CFAP46: variants seen among roughly 807,000 people sequenced by gnomAD.
CFAP46 encodes the protein cilia and flagella associated protein 46.
CFAP46 carries 245 observed loss-of-function variants against 325.7 expected under a neutral mutation model. The observed-to-expected ratio is 0.75, with a 90% confidence interval of 0.68 to 0.84. CFAP46 has a LOEUF of 0.84. Ranked by LOEUF, CFAP46 falls within the 40% of genes least tolerant of loss-of-function variation. The pLI, the probability that CFAP46 is intolerant of heterozygous loss-of-function variation, is 0.00. For missense variants in CFAP46, 3,346 were observed against 3,543.0 expected, an observed-to-expected ratio of 0.94 and a Z score of 1.41; for synonymous variants, 1,523 against 1,495.9, an observed-to-expected ratio of 1.02 and a Z score of -0.42.
intron 22 of CFAP46, among the ~76,000 whole-genome samples, chr10:132,903,095 G>A (rs987450582): frequency 1.4e-5 from 2 of 147,482 alleles, no homozygotes; most frequent in East Asian, 2.0e-4. Flanking sequence ...AGTGAGTTAC[G>A]CCCCAATGTG....
intron 13 of CFAP46, 61 bp from the exon 14 acceptor site, chr10:132,920,243 C>T (rs1849702745): frequency 6.8e-7 from 1 of 1,460,758 alleles, no homozygotes; most frequent in Admixed American, 2.7e-5. Context: ...GGGACGTGCC[C>T]ATCAGTAACC....
At chr10:132,858,027 CA>C (rs1848668354) in intron 38 of CFAP46, among the ~76,000 whole-genome samples, 1 of 152,240 alleles carries the variant, frequency 6.6e-6, no homozygotes, top group Non-Finnish European at 1.5e-5. Context: ...TTTGCTGAAG[CA>C]ATTCCACAGC....
chr10:132,901,605 A>G (rs1481529775), intron 22 of CFAP46, among the ~76,000 whole-genome samples: 2 of 152,166 alleles, frequency 1.3e-5, no homozygotes, highest in East Asian at 1.9e-4. Context: ...TCTTGCCTCT[A>G]TATTTATGAA....
chr10:132,940,638 C>T (rs1434193404), intron 4 of CFAP46, among the ~76,000 whole-genome samples: 1 of 151,796 alleles, frequency 6.6e-6, no homozygotes, highest in African/African-American at 2.4e-5. Context: ...AGTGCAGTGG[C>T]GTGATCTGGG....
intron 19 of CFAP46, among the ~76,000 whole-genome samples, chr10:132,912,137 C>G (rs1849549488): frequency 7.4e-6 from 1 of 135,274 alleles, no homozygotes; most frequent in South Asian, 2.8e-4. Context: ...CCCCCACCCC[C>G]ACATCTCTCT....
chr10:132,910,229 C>G, intron 19 of CFAP46, 161 bp from the exon 20 acceptor site: 1 of 604,954 alleles, frequency 1.7e-6, no homozygotes, highest in Non-Finnish European at 2.5e-6. Context: ...CACCACAAAC[C>G]CAGCAGATGA....
chr10:132,814,303 G>T, intron 53 of CFAP46, 49 bp from the exon 54 acceptor site: 1 of 1,470,332 alleles, frequency 6.8e-7, no homozygotes, highest in Non-Finnish European at 9.5e-7. Context: ...CATCAGACAC[G>T]GGTGTGCAGG....
intron 50 of CFAP46, among the ~76,000 whole-genome samples, chr10:132,816,265 C>T (rs1281931081): frequency 6.0e-5 from 9 of 150,666 alleles, no homozygotes; most frequent in Admixed American, 2.0e-4. Context: ...GTTTCCCTGG[C>T]GTCTTCTGCA....
chr10:132,898,749 G>A, intron 24 of CFAP46: 1 of 687,510 alleles, frequency 1.5e-6, no homozygotes, highest in Non-Finnish European at 2.6e-6. Context: ...TGCTGGGAGA[G>A]GTCAGGTCTG....
rs368968406 is a variant in CFAP46 at position 132,941,077 on chromosome 10, A to C, written c.307-17T>G. The C allele has an allele frequency of 7.8e-4, 1,265 of 1,613,878 alleles. 3 individuals are homozygous for C. Among genetic ancestry groups the C allele is most frequent in the Non-Finnish European group, 9.9e-4 (1,168 of 1,179,830 alleles). ...AAATTCCTCCTAAGGCAACATAAAGAAGCACAATTAGACCGAAATACTGAC... is the reference window on the plus strand; with the variant it reads ...AAATTCCTCCTAAGGCAACATAAAGCAGCACAATTAGACCGAAATACTGAC... On this transcript the variant is annotated splice_polypyrimidine_tract_variant and intron_variant, in intron 3 of 57. Transcript: ENST00000368586.
intron 44 of CFAP46, 150 bp from the exon 45 acceptor site, chr10:132,837,064 G>T (rs951980498): frequency 4.9e-6 from 3 of 617,050 alleles, no homozygotes; most frequent in Middle Eastern, 4.2e-4. Flanking sequence ...GGGGTGGGGG[G>T]CCCTGCTGGA....
In CFAP46 at chr10:132,827,723, A is replaced by G. The variant is rs1053066555; in HGVS notation, c.7117+5635T>C. ...ACACCCAGCCCCAGGAGCTTCCCCA[A>G]AATGCCTGCAACCCTCCCTCCTGCA... On this transcript the variant is annotated intron_variant, in intron 50 of 57. Transcript: ENST00000368586. This position sits in a 1 kb window ranked among gnomAD's most constrained non-coding sequence, Gnocchi z 5.7. Among the ~76,000 whole-genome samples the G allele has an allele frequency of 6.6e-6, 1 of 151,886 alleles. No individual in the cohort carries two copies. The highest frequency in any genetic ancestry group is 1.5e-5 in the Non-Finnish European group (1 of 67,954).
chr10:132,916,537 G>T lies in CFAP46; in HGVS notation c.2120+12C>A. ...CCGGGCGGTGCTCAAGGCCACTGTC[G>T]CCTCTGCCCACCTGTATGTGATCCA... On this transcript the variant is annotated intron_variant, in intron 17 of 57. Coordinates refer to ENST00000368586, the MANE Select transcript of CFAP46 (RefSeq NM_001200049.3). The T allele has an allele frequency of 1.3e-6, 2 of 1,545,038 alleles. No homozygotes were observed. The highest frequency in any genetic ancestry group is 1.7e-6 in the Non-Finnish European group (2 of 1,144,314).
At position 132,919,526 on chromosome 10, in the gene CFAP46, G is replaced by A. The variant is rs931364661; in HGVS notation, c.1731-84C>T. On this transcript the variant is annotated intron_variant, in intron 14 of 57. Coordinates refer to ENST00000368586, the MANE Select transcript of CFAP46 (RefSeq NM_001200049.3). This position sits in a 1 kb window ranked among gnomAD's most constrained non-coding sequence, Gnocchi z 9.7. ...TAGAAAACACCTGGGCTGGCTGCCTGAGAAAAGGCCACTGTGGCTCTGCAG... is the reference window on the plus strand; with the variant it reads ...TAGAAAACACCTGGGCTGGCTGCCTAAGAAAAGGCCACTGTGGCTCTGCAG... The A allele has an allele frequency of 6.1e-6, 9 of 1,468,792 alleles. No individual in the cohort carries two copies. In the African/African-American group the frequency reaches 1.3e-4, roughly 21 times the overall value. The allele number at this position is 1,468,792 out of a possible 1,614,324, so 91.0% of individuals were successfully genotyped here.
chr10:132,820,894 CTGA>C (rs1411129030), intron 50 of CFAP46, among the ~76,000 whole-genome samples: 3 of 108,300 alleles, frequency 2.8e-5, no homozygotes, highest in African/African-American at 3.8e-5. Context: ...TGTGTGTGTG[CTGA>C]TGTGTGCTGT....
At chr10:132,864,133 C>T (rs1166903843) in intron 35 of CFAP46, among the ~76,000 whole-genome samples, 1 of 144,094 alleles carries the variant, frequency 6.9e-6, no homozygotes, top group Admixed American at 6.9e-5. Flanking sequence ...GACCTCCACA[C>T]ACCTGTCCCC....
intron 24 of CFAP46, chr10:132,898,526 A>G: frequency 3.3e-6 from 1 of 303,244 alleles, no homozygotes; most frequent in South Asian, 3.0e-5. Context: ...CCGCCACCCC[A>G]CTCTGCCTTA....
chr10:132,896,778 T>C (rs1376365879), intron 24 of CFAP46, among the ~76,000 whole-genome samples: 1 of 152,176 alleles, frequency 6.6e-6, no homozygotes, highest in East Asian at 1.9e-4. Context: ...CTCAAATTCA[T>C]ATGGAATTGC....
At chr10:132,903,094 C>T (rs113356836) in intron 22 of CFAP46, among the ~76,000 whole-genome samples, 4 of 147,614 alleles carry the variant, frequency 2.7e-5, no homozygotes, top group East Asian at 2.0e-4. Context: ...CAGTGAGTTA[C>T]GCCCCAATGT....
Sources: allele counts gnomAD v4.1 joint callset (sites outside exome capture counted in the v4.1 genomes callset), GRCh38; gene constraint gnomAD v4.1.1; non-coding constraint Gnocchi (gnomAD v3.1); transcripts MANE v1.5; gene names NCBI Gene and HGNC (gene_info 2026-07-23, HGNC 2026-07-21).